Variants in DPP10 observed in about 807,000 individuals in gnomAD.
DPP10 encodes the protein inactive dipeptidyl peptidase 10.
DPP10 carries 33 observed loss-of-function variants against 120.9 expected under a neutral mutation model. That is an observed-to-expected ratio of 0.27 (90% CI 0.21 to 0.37). The LOEUF (loss-of-function observed/expected upper bound fraction) is 0.37. Among genes scored for constraint, DPP10 ranks in the 10% least tolerant of loss-of-function variants. The probability of loss-of-function intolerance (pLI) is 1.00; values close to 1 mark genes in which losing one functional copy is unlikely to be tolerated. For synonymous variants in DPP10, 337 were observed against 326.1 expected, an observed-to-expected ratio of 1.03 and a Z score of -0.36; for missense variants, 816 against 942.8, an observed-to-expected ratio of 0.87 and a Z score of 1.76.
intron 1 of DPP10, among the ~76,000 whole-genome samples, chr2:114,763,463 C>T (rs919438648): frequency 6.6e-6 from 1 of 152,118 alleles, no homozygotes; most frequent in Non-Finnish European, 1.5e-5. Context: ...AAGTGATTAA[C>T]TTTTTCAATA....
chr2:115,332,417 T>C (rs2062807758), intron 2 of DPP10, among the ~76,000 whole-genome samples: 2 of 152,288 alleles, frequency 1.3e-5, no homozygotes, highest in Non-Finnish European at 2.9e-5. Context: ...TTTATATCTC[T>C]GTCTCCTTCA....
At chr2:114,636,403 T>G (rs993527499) in intron 1 of DPP10, among the ~76,000 whole-genome samples, 6 of 152,018 alleles carry the variant, frequency 3.9e-5, no homozygotes, top group African/African-American at 1.2e-4. Flanking sequence ...ATACCTTGAT[T>G]GCTGGAAGAG....
chr2:114,458,751 A>G (rs1678714074), intron 1 of DPP10, among the ~76,000 whole-genome samples: 1 of 152,216 alleles, frequency 6.6e-6, no homozygotes, highest in Admixed American at 6.5e-5. Context: ...AAAATAATAA[A>G]TAATAGCCAT....
intron 1 of DPP10, among the ~76,000 whole-genome samples, chr2:114,590,526 T>C (rs1435232560): frequency 6.6e-6 from 1 of 152,236 alleles, no homozygotes; most frequent in African/African-American, 2.4e-5. Flanking sequence ...GTGTTAACAT[T>C]TTCTCAATCA....
At chr2:115,720,595 G>A (rs2092623662) in intron 7 of DPP10, among the ~76,000 whole-genome samples, 1 of 151,740 alleles carries the variant, frequency 6.6e-6, no homozygotes, top group Admixed American at 6.6e-5. Flanking sequence ...GTTTTAATAT[G>A]GTCTATATGA....
chr2:115,720,833 A>C (rs1472372012), intron 7 of DPP10, among the ~76,000 whole-genome samples: 1 of 152,212 alleles, frequency 6.6e-6, no homozygotes, highest in Non-Finnish European at 1.5e-5. Flanking sequence ...TCAAATTTTT[A>C]CCTCATAAAA....
intron 1 of DPP10, among the ~76,000 whole-genome samples, chr2:115,224,697 ATG>A (rs1574071372): frequency 6.6e-6 from 1 of 152,214 alleles, no homozygotes; most frequent in Non-Finnish European, 1.5e-5. Flanking sequence ...CACAATAATC[ATG>A]TGAGATAATA....
At chr2:115,832,709 A>G (rs1689058080) in intron 21 of DPP10, among the ~76,000 whole-genome samples, 1 of 152,186 alleles carries the variant, frequency 6.6e-6, no homozygotes, top group Non-Finnish European at 1.5e-5. Flanking sequence ...AATAATTTAC[A>G]TTCCTGGTTT....
intron 1 of DPP10, among the ~76,000 whole-genome samples, chr2:114,974,660 A>G (rs1235022522): frequency 6.6e-6 from 1 of 151,912 alleles, no homozygotes; most frequent in Non-Finnish European, 1.5e-5. Context: ...CCACCCCCTT[A>G]GCCTCCAAAG....
intron 1 of DPP10, among the ~76,000 whole-genome samples, chr2:115,062,489 A>C (rs1181771659): frequency 6.6e-6 from 1 of 152,164 alleles, no homozygotes; most frequent in Non-Finnish European, 1.5e-5. Context: ...CTAGGTATTA[A>C]GCCCAGCATG....
chr2:115,688,557 A>G (rs1228417342), intron 5 of DPP10, among the ~76,000 whole-genome samples: 1 of 152,196 alleles, frequency 6.6e-6, no homozygotes, highest in Non-Finnish European at 1.5e-5. Context: ...ATATCACAAT[A>G]TAGCTAGCTA....
At chr2:114,911,487 T>C (rs1337762503) in intron 1 of DPP10, among the ~76,000 whole-genome samples, 1 of 152,198 alleles carries the variant, frequency 6.6e-6, no homozygotes, top group Non-Finnish European at 1.5e-5. Flanking sequence ...ATGGAAGGAT[T>C]GATTCATCAT....
At chr2:114,545,147 G>C (rs940992727) in intron 1 of DPP10, among the ~76,000 whole-genome samples, 3 of 151,884 alleles carry the variant, frequency 2.0e-5, no homozygotes, top group African/African-American at 7.3e-5. Flanking sequence ...ACTATGCCAG[G>C]CTCTCAATAT....
intron 1 of DPP10, among the ~76,000 whole-genome samples, chr2:115,286,489 A>AACATATG (rs2060381925): frequency 2.6e-5 from 1 of 38,988 alleles, no homozygotes; most frequent in Non-Finnish European, 6.1e-5. Flanking sequence ...TAATATATAT[A>AACATATG]TAATATATAT....
At chr2:115,148,503 C>A (rs537214890) in intron 1 of DPP10, among the ~76,000 whole-genome samples, 1 of 152,176 alleles carries the variant, frequency 6.6e-6, no homozygotes, top group East Asian at 1.9e-4. Context: ...GAGGCAGGAG[C>A]AATTTTATAG....
intron 1 of DPP10, among the ~76,000 whole-genome samples, chr2:115,138,468 A>G (rs970224092): frequency 2.0e-5 from 3 of 152,216 alleles, no homozygotes; most frequent in African/African-American, 7.2e-5. Flanking sequence ...TTGCACAGGC[A>G]TTTGATAAGA....
intron 1 of DPP10, among the ~76,000 whole-genome samples, chr2:114,923,341 G>A (rs1189632690): frequency 2.6e-5 from 4 of 151,296 alleles, no homozygotes; most frequent in East Asian, 1.9e-4. Context: ...GCGCCATCAC[G>A]ACCAGCTCAT....
chr2:115,566,034 G>T (rs996983251), intron 5 of DPP10, among the ~76,000 whole-genome samples: 1 of 151,902 alleles, frequency 6.6e-6, no homozygotes, highest in Non-Finnish European at 1.5e-5. Context: ...CGATCAGCCC[G>T]CCTCGGCCTC....
chr2:115,511,437 G>A (rs1474797182), intron 4 of DPP10, among the ~76,000 whole-genome samples: 4 of 151,922 alleles, frequency 2.6e-5, no homozygotes, highest in African/African-American at 7.2e-5. Context: ...CCTGATTTTA[G>A]TAATTTGAAT....
Sources: gnomAD v4.1 joint callset for allele counts (sites outside exome capture counted in the v4.1 genomes callset) on GRCh38, gnomAD v4.1.1 for gene constraint, MANE v1.5 for transcripts, NCBI Gene and HGNC (gene_info 2026-07-23, HGNC 2026-07-21) for gene names.